STK32A: variants seen among roughly 807,000 people sequenced by gnomAD.
STK32A encodes the protein serine/threonine-protein kinase 32A.
Under a neutral mutation model 53.2 loss-of-function variants are expected in STK32A, and 41 were observed. The ratio of observed to expected loss-of-function variants is 0.77; its 90% CI spans 0.60 to 1.00. The LOEUF is 1.00. Among genes scored for constraint, STK32A ranks in the 50% least tolerant of loss-of-function variants. The pLI, the probability that STK32A is intolerant of heterozygous loss-of-function variation, is 0.00. For missense variants in STK32A, 458 were observed against 485.8 expected (o/e 0.94, Z 0.54); for synonymous variants, 166 against 162.8 (o/e 1.02, Z -0.15).
At chr5:147,314,050 TA>T (rs949527669) in intron 4 of STK32A, among the ~76,000 whole-genome samples, 34 of 147,232 alleles carry the variant, frequency 2.3e-4, no homozygotes, top group Middle Eastern at 3.5e-3. Context: ...GAACAAGTAC[TA>T]AAAAAAAAAG....
chr5:147,308,265 G>A (rs776694618), intron 4 of STK32A, among the ~76,000 whole-genome samples: 3 of 151,800 alleles, frequency 2.0e-5, no homozygotes, highest in Non-Finnish European at 4.4e-5. Flanking sequence ...TAGAGGTCTA[G>A]CGTATTTGTC....
intron 8 of STK32A, among the ~76,000 whole-genome samples, chr5:147,369,396 A>AT (rs1321672412): frequency 6.6e-6 from 1 of 152,008 alleles, no homozygotes; most frequent in African/African-American, 2.4e-5. Flanking sequence ...ACATATGCCC[A>AT]TTTTTACCTT....
At chr5:147,335,092 T>C (rs1755052563) in intron 5 of STK32A, among the ~76,000 whole-genome samples, 1 of 152,218 alleles carries the variant, frequency 6.6e-6, no homozygotes, top group African/African-American at 2.4e-5. Context: ...AAGCATCTGA[T>C]TGTACCGTAC....
At chr5:147,290,447 C>T (rs545577801) in intron 4 of STK32A, among the ~76,000 whole-genome samples, 72 of 152,250 alleles carry the variant, frequency 4.7e-4, no homozygotes, top group African/African-American at 1.7e-3. Flanking sequence ...TCTTCTTGTG[C>T]GTCTGTCTCT....
intron 2 of STK32A, among the ~76,000 whole-genome samples, chr5:147,246,090 A>T (rs957150348): frequency 3.3e-5 from 5 of 152,216 alleles, no homozygotes; most frequent in Non-Finnish European, 5.9e-5. Flanking sequence ...GCCTTGAGTA[A>T]TGCTGTCTCG....
At chr5:147,247,472 G>T (rs1295655114) in intron 2 of STK32A, among the ~76,000 whole-genome samples, 3 of 152,208 alleles carry the variant, frequency 2.0e-5, no homozygotes, top group African/African-American at 7.2e-5. Context: ...CCTAAACTAT[G>T]TCTTCTGTCC....
At chr5:147,310,623 C>T (rs1034787704) in intron 4 of STK32A, among the ~76,000 whole-genome samples, 17 of 152,288 alleles carry the variant, frequency 1.1e-4, no homozygotes, top group African/African-American at 4.1e-4. Context: ...TCTCTGTGAT[C>T]GGTCTATGAT....
intron 4 of STK32A, among the ~76,000 whole-genome samples, chr5:147,318,784 A>C: frequency 6.6e-6 from 1 of 152,014 alleles, no homozygotes; most frequent in South Asian, 2.1e-4. Flanking sequence ...TCAAAAAAAA[A>C]AAAAAAAATT....
At chr5:147,289,283 C>T (rs565602542) in intron 4 of STK32A, among the ~76,000 whole-genome samples, 6 of 152,102 alleles carry the variant, frequency 3.9e-5, no homozygotes, top group Admixed American at 1.3e-4. Flanking sequence ...CTTTACCACC[C>T]GAAAGCATTA....
At chr5:147,394,519 T>C in the STK32A span, among the ~76,000 whole-genome samples, 1 of 152,074 alleles carries the variant, frequency 6.6e-6, no homozygotes. Flanking sequence ...ATAACTGAGG[T>C]TCTGAAAGGT....
intron 6 of STK32A, chr5:147,348,771 C>T (rs773586772): frequency 1.3e-5 from 10 of 752,184 alleles, no homozygotes; most frequent in African/African-American, 8.5e-5. Context: ...TTTTGCAAAA[C>T]TACACTGAAG....
intron 11 of STK32A, among the ~76,000 whole-genome samples, chr5:147,376,565 G>A (rs1313429836): frequency 6.6e-6 from 1 of 152,050 alleles, no homozygotes; most frequent in Non-Finnish European, 1.5e-5. Flanking sequence ...TTGACCATAC[G>A]TACCATGCTC....
intron 5 of STK32A, among the ~76,000 whole-genome samples, chr5:147,328,110 T>C (rs1754690163): frequency 1.3e-5 from 2 of 152,284 alleles, no homozygotes; most frequent in East Asian, 1.9e-4. Flanking sequence ...AGAAAGCAAG[T>C]CTCATGAGAG....
At chr5:147,367,607 C>T (rs1257652915) in intron 8 of STK32A, among the ~76,000 whole-genome samples, 1 of 151,998 alleles carries the variant, frequency 6.6e-6, no homozygotes, top group African/African-American at 2.4e-5. Flanking sequence ...TCACAAGGTG[C>T]TCAGCGGGGG....
At chr5:147,356,374 ATAT>A (rs1756239383) in intron 7 of STK32A, among the ~76,000 whole-genome samples, 3 of 152,256 alleles carry the variant, frequency 2.0e-5, no homozygotes. Context: ...ATTGCATAAT[ATAT>A]TAACATATAA....
chr5:147,278,527 TG>T (rs1751883238), intron 3 of STK32A, among the ~76,000 whole-genome samples: 1 of 152,210 alleles, frequency 6.6e-6, no homozygotes, highest in African/African-American at 2.4e-5. Flanking sequence ...ATCTTGTTTA[TG>T]GAAGAGTTAC....
chr5:147,327,026 G>C (rs758938910), intron 5 of STK32A, among the ~76,000 whole-genome samples: 7 of 152,104 alleles, frequency 4.6e-5, no homozygotes, highest in Non-Finnish European at 8.8e-5. Context: ...GCTTCAAATA[G>C]ACATTTTAAT....
At chr5:147,245,915 G>T (rs1238246165) in intron 2 of STK32A, among the ~76,000 whole-genome samples, 1 of 152,108 alleles carries the variant, frequency 6.6e-6, no homozygotes, top group Non-Finnish European at 1.5e-5. Context: ...AAAATGTTGG[G>T]CCAAGAAAAT....
At chr5:147,368,639 A>T (rs1429482926) in intron 8 of STK32A, among the ~76,000 whole-genome samples, 1 of 152,202 alleles carries the variant, frequency 6.6e-6, no homozygotes, top group South Asian at 2.1e-4. Context: ...CAATTCTGGT[A>T]GTTGATTAAT....
Sources: allele counts gnomAD v4.1 joint callset (sites outside exome capture counted in the v4.1 genomes callset), GRCh38; gene constraint gnomAD v4.1.1; transcripts MANE v1.5; gene names NCBI Gene and HGNC (gene_info 2026-07-23, HGNC 2026-07-21).